Variants in RNF111 observed in about 807,000 individuals in gnomAD.
The protein encoded by RNF111 is E3 ubiquitin-protein ligase Arkadia.
Under a neutral mutation model 95.1 loss-of-function variants are expected in RNF111, and 17 were observed. That is an observed-to-expected ratio of 0.18 (90% confidence interval 0.12 to 0.27). The LOEUF (loss-of-function observed/expected upper bound fraction) is 0.27. RNF111 is among the 10% of genes least tolerant of loss of function. The probability of loss-of-function intolerance (pLI) is 1.00; values close to 1 mark genes in which losing one functional copy is unlikely to be tolerated. For synonymous variants in RNF111, 440 were observed against 414.8 expected (o/e 1.06, Z -0.74); for missense variants, 1,189 against 1,210.4 (o/e 0.98, Z 0.26).
At chr15:59,067,566 A>C (rs1156695051) in intron 6 of RNF111, among the ~76,000 whole-genome samples, 1 of 152,166 alleles carries the variant, frequency 6.6e-6, no homozygotes, top group Admixed American at 6.5e-5. Context: ...TTTCTTTTTA[A>C]TTAAGTCTCT....
intron 6 of RNF111, among the ~76,000 whole-genome samples, chr15:59,072,776 A>G (rs1003067522): frequency 1.3e-5 from 2 of 150,940 alleles, no homozygotes; most frequent in African/African-American, 4.9e-5. Flanking sequence ...TTTTCCTAGT[A>G]TCTTTACCTG....
intron 3 of RNF111, among the ~76,000 whole-genome samples, chr15:59,052,691 G>A (rs928080975): frequency 6.6e-6 from 1 of 151,038 alleles, no homozygotes; most frequent in East Asian, 1.9e-4. Flanking sequence ...AGGACTGTAG[G>A]CACATGTCAC....
In RNF111 at chr15:59,030,931, C is replaced by T; in HGVS notation, c.109C>T (p.Leu37Phe). Residue 37 changes from leucine to phenylalanine, a missense_variant, in exon 2 of 14, where the codon CTT becomes TTT. Leu to Phe is a conservative substitution (Grantham distance 22). Coordinates refer to ENST00000348370, the MANE Select transcript of RNF111 (RefSeq NM_017610.8). ...GACACAGGAGAGTCTGAAAGGGATC[C>T]TTTTGCATCCAGAGCCCATTGGGGC... ...PKTQESLKGI[L>F]LHPEPIGAAK... 5.0e-6 allele frequency: 8 copies of T among 1,614,184 alleles called. No individual in the cohort carries two copies. The highest frequency in any genetic ancestry group is 1.1e-5 in the South Asian group (1 of 91,074).
At chr15:59,091,246 C>T in intron 12 of RNF111, 92 bp downstream of exon 12, 1 of 671,130 alleles carries the variant, frequency 1.5e-6, no homozygotes, top group Non-Finnish European at 2.5e-6. Flanking sequence ...CTAGCAATGA[C>T]ATTTTTATTG....
rs371732082 is a variant in RNF111, at chr15:59,010,440, C to T, written c.-19-20364C>T. On this transcript the variant is annotated intron_variant, in intron 1 of 13. Transcript: ENST00000348370. ...TTTTTGAGATGGAGTCTCACTCTGT[C>T]GCCCAGGCTGGAGTGCAGTGGTGTG... Among the ~76,000 whole-genome samples, 500 of 151,972 alleles carry T rather than the reference C, an allele frequency of 3.3e-3. 2 individuals carry two copies. The highest frequency in any genetic ancestry group is 0.011 in the African/African-American group (469 of 41,442).
chr15:59,009,156 C>T (rs2039676139), intron 1 of RNF111, among the ~76,000 whole-genome samples: 1 of 152,034 alleles, frequency 6.6e-6, no homozygotes, highest in Non-Finnish European at 1.5e-5. Context: ...GATGGGGTTT[C>T]ACCAAGTTGG....
intron 1 of RNF111, among the ~76,000 whole-genome samples, chr15:59,011,710 T>A (rs1399713912): frequency 1.3e-5 from 2 of 152,192 alleles, no homozygotes; most frequent in Non-Finnish European, 2.9e-5. Context: ...TCCAGTCAGA[T>A]TGGATTAGGA....
chr15:58,997,688 T>C (rs1424912119), intron 1 of RNF111, among the ~76,000 whole-genome samples: 1 of 150,818 alleles, frequency 6.6e-6, no homozygotes, highest in African/African-American at 2.4e-5. Context: ...TGGTGGCATA[T>C]GTCTGTAATC....
At chr15:59,035,889 T>A (rs927585832) in intron 2 of RNF111, among the ~76,000 whole-genome samples, 1 of 152,164 alleles carries the variant, frequency 6.6e-6, no homozygotes, top group Non-Finnish European at 1.5e-5. Flanking sequence ...TCCCCACATC[T>A]TCTTATCTTT....
At chr15:59,005,183 C>G (rs1236393280) in intron 1 of RNF111, among the ~76,000 whole-genome samples, 2 of 152,122 alleles carry the variant, frequency 1.3e-5, no homozygotes, top group Admixed American at 6.5e-5. Flanking sequence ...AGTTCTCTTT[C>G]TTTAGTACAT....
At chr15:59,030,778 T>C in intron 1 of RNF111, 26 bp from the exon 2 acceptor site, 7 of 1,469,194 alleles carry the variant, frequency 4.8e-6, no homozygotes, top group Non-Finnish European at 5.5e-6. Context: ...TTAAAAATCT[T>C]TTAAATATCT....
Position 59,094,939 on chromosome 15 carries a change from ATCCT to A in RNF111, c.*44_*47del, listed in dbSNP as rs757587213. The A allele has an allele frequency of 2.9e-5, 35 of 1,195,088 alleles. No individual in the cohort carries two copies. Among genetic ancestry groups the A allele is most frequent in the Non-Finnish European group, 3.8e-5 (30 of 798,290 alleles). 74.0% of individuals were successfully genotyped at this position (1,195,088 alleles called of 1,614,324 possible). A position where few individuals can be genotyped will look rare whatever the true frequency, so the allele number is the denominator to read the frequency against. On this transcript the variant is annotated 3_prime_UTR_variant, in exon 14 of 14. Transcript: ENST00000348370. Reference sequence around the variant, plus strand: ...AACTCTTGCCCTCCCTCTCATTCCCATCCTTCCTGGTACTGCAGTCAACCAAAGA... The same window carrying A: ...AACTCTTGCCCTCCCTCTCATTCCCATCCTGGTACTGCAGTCAACCAAAGA...
At position 59,040,629 on chromosome 15, in the gene RNF111, C is replaced by T. The variant is rs187300421; in HGVS notation, c.880+8927C>T. 1.3e-4 allele frequency among the ~76,000 whole-genome samples: 20 copies of T among 152,256 alleles called. 1 individual carries two copies. Among genetic ancestry groups the T allele is most frequent in the African/African-American group, 4.6e-4 (19 of 41,550 alleles). On this transcript the variant is annotated intron_variant, in intron 2 of 13. Transcript: ENST00000348370. Reference sequence around the variant, plus strand: ...ATTAACCATTGCTTATTTGCCTTGTCGTATATATGCCATAAATACGTACAC... The same window carrying T: ...ATTAACCATTGCTTATTTGCCTTGTTGTATATATGCCATAAATACGTACAC...
chr15:59,068,479 G>C (rs555223216), intron 6 of RNF111, among the ~76,000 whole-genome samples: 2 of 151,416 alleles, frequency 1.3e-5, no homozygotes, highest in Non-Finnish European at 2.9e-5. Flanking sequence ...GATGGTGTGT[G>C]CCTGTAGTCC....
Position 59,001,618 on chromosome 15 carries a change from A to C in RNF111, c.-20+13550A>C, listed in dbSNP as rs187735329. Among the ~76,000 whole-genome samples the C allele has an allele frequency of 2.6e-5, 4 of 152,340 alleles. No homozygotes were observed. The East Asian group carries it at 7.7e-4, about 29-fold the overall frequency. ...CTCTCCACATTTGGCGAATAGGTTC[A>C]CTTTAGGAAGACTAAGTCTATTTTG... is the stretch of plus-strand genomic sequence containing the variant. On this transcript the variant is annotated intron_variant, in intron 1 of 13. Coordinates refer to ENST00000348370, the MANE Select transcript of RNF111 (RefSeq NM_017610.8).
Position 59,014,567 on chromosome 15 carries a change from G to C in RNF111, c.-19-16237G>C, listed in dbSNP as rs111720953. Among the ~76,000 whole-genome samples the C allele has an allele frequency of 3.6e-3, 554 of 152,294 alleles. 2 individuals are homozygous for C. Among genetic ancestry groups the C allele is most frequent in the Non-Finnish European group, 6.7e-3 (459 of 68,030 alleles). On this transcript the variant is annotated intron_variant, in intron 1 of 13. Coordinates refer to ENST00000348370, the MANE Select transcript of RNF111 (RefSeq NM_017610.8). ...GCATTTTTCTGTTCTTAAGAAGTTA[G>C]AAAGCTTCAGAAGAAATGTATACTT... is the stretch of plus-strand genomic sequence containing the variant.
chr15:59,046,666 A>G (rs1400553315), intron 2 of RNF111, among the ~76,000 whole-genome samples: 1 of 152,220 alleles, frequency 6.6e-6, no homozygotes, highest in Non-Finnish European at 1.5e-5. Flanking sequence ...CTTGGGTTAG[A>G]CAAAGGTTTC....
At chr15:58,990,581 C>T (rs1377087626) in intron 1 of RNF111, among the ~76,000 whole-genome samples, 4 of 152,164 alleles carry the variant, frequency 2.6e-5, no homozygotes, top group East Asian at 1.9e-4. Flanking sequence ...ACCTCGGAGG[C>T]GGAGGTTGCA....
At position 59,066,849 on chromosome 15, in the gene RNF111, C is replaced by T. The variant is rs1334312624; in HGVS notation, c.1452C>T (p.His484=). 6.2e-7 allele frequency: 1 copy of T among 1,614,150 alleles called. No individual in the cohort carries two copies. The highest frequency in any genetic ancestry group is 8.5e-7 in the Non-Finnish European group (1 of 1,180,032). ...GGTTACCTTCCTGCTGTCCCCAGCA[C>T]TCACCATGTGGAGGGTCGTCACAGA... ...MPRLPSCCPQ[H]SPCGGSSQNH... Residue 484 remains histidine, a synonymous_variant, in exon 6 of 14, where the codon CAC becomes CAT. Transcript: ENST00000348370.
Sources: allele counts gnomAD v4.1 joint callset (sites outside exome capture counted in the v4.1 genomes callset), GRCh38; gene constraint gnomAD v4.1.1; transcripts MANE v1.5; gene names NCBI Gene and HGNC (gene_info 2026-07-23, HGNC 2026-07-21).